The following IL1RAPL2 variants were observed in gnomAD, a reference collection of about 807,000 sequenced individuals.
IL1RAPL2 encodes the protein interleukin 1 receptor accessory protein like 2, also known as X-linked interleukin-1 receptor accessory protein-like 2.
In IL1RAPL2, 3 loss-of-function variants were observed where a neutral mutation model predicts 44.1. The ratio of observed to expected loss-of-function variants is 0.07; its 90% confidence interval spans 0.03 to 0.18. IL1RAPL2 has a LOEUF of 0.18. Among genes scored for constraint, IL1RAPL2 ranks in the 10% least tolerant of loss-of-function variants. The pLI, the probability that IL1RAPL2 is intolerant of heterozygous loss-of-function variation, is 1.00. For missense variants in IL1RAPL2, 391 were observed against 496.4 expected (o/e 0.79, Z 2.02); for synonymous variants, 181 against 178.8 (o/e 1.01, Z -0.10).
chrX:105,293,758 AAT>A (rs927029356), intron 5 of IL1RAPL2, among the ~76,000 whole-genome samples: 9 of 111,438 alleles, frequency 8.1e-5, no homozygotes, highest in African/African-American at 2.9e-4. Flanking sequence ...CTGAAAAAAA[AAT>A]AATGTGAACC....
chrX:105,560,803 C>T (rs1372642974), intron 6 of IL1RAPL2, among the ~76,000 whole-genome samples: 1 of 109,368 alleles, frequency 9.1e-6, no homozygotes, highest in Non-Finnish European at 1.9e-5. Flanking sequence ...TGTTTATCAA[C>T]AAATGAATGG....
At position 104,627,168 on chromosome X, in the gene IL1RAPL2, G is replaced by A. The variant is rs764012761; in HGVS notation, c.-19-31727G>A. ...ACTGATTTTAATTTTATTGAGGGAA[G>A]CATTGGCTTGAATTTGTCTCTTTAA... On this transcript the variant is annotated intron_variant, in intron 1 of 10. Transcript: ENST00000372582. 2.7e-5 allele frequency among the ~76,000 whole-genome samples: 3 copies of A among 109,279 alleles called. No individual in the cohort carries two copies. The East Asian group carries it at 8.8e-4, about 32-fold the overall frequency. 94.9% of individuals were successfully genotyped at this position (109,279 alleles called of 115,157 possible). A position where few individuals can be genotyped will look rare whatever the true frequency, so the allele number is the denominator to read the frequency against.
chrX:104,613,921 A>G (rs1321966349), intron 1 of IL1RAPL2, among the ~76,000 whole-genome samples: 1 of 103,317 alleles, frequency 9.7e-6, no homozygotes, highest in Non-Finnish European at 1.9e-5. Context: ...CAATCTTGGG[A>G]GAGTGTGTGT....
chrX:105,242,205 T>G, intron 4 of IL1RAPL2, among the ~76,000 whole-genome samples: 1 of 112,028 alleles, frequency 8.9e-6, no homozygotes, highest in African/African-American at 3.2e-5. Context: ...GTTTATGACA[T>G]CAAAGCATTT....
At chrX:105,423,118 A>G (rs1449333002) in intron 5 of IL1RAPL2, among the ~76,000 whole-genome samples, 1 of 111,481 alleles carries the variant, frequency 9.0e-6, no homozygotes, top group East Asian at 2.8e-4. Context: ...TTATTTTGGA[A>G]CACATAGCAA....
intron 5 of IL1RAPL2, among the ~76,000 whole-genome samples, chrX:105,451,777 T>C (rs1215574418): frequency 8.9e-6 from 1 of 112,036 alleles, no homozygotes; most frequent in African/African-American, 3.2e-5. Flanking sequence ...CAGGTATCCA[T>C]GTCATTAAGT....
At chrX:104,757,760 G>A (rs1932363974) in intron 2 of IL1RAPL2, among the ~76,000 whole-genome samples, 1 of 111,239 alleles carries the variant, frequency 9.0e-6, no homozygotes, top group Non-Finnish European at 1.9e-5. Context: ...AAAATGGATT[G>A]CCTTTATAAC....
intron 2 of IL1RAPL2, among the ~76,000 whole-genome samples, chrX:104,870,491 G>C (rs1002228915): frequency 8.9e-6 from 1 of 112,355 alleles, no homozygotes. Context: ...TATGGATGAG[G>C]CAACCAAGAA....
intron 2 of IL1RAPL2, among the ~76,000 whole-genome samples, chrX:104,674,295 G>A: frequency 9.0e-6 from 1 of 111,646 alleles, no homozygotes; most frequent in Non-Finnish European, 1.9e-5. Context: ...TTTCTTGAGA[G>A]TTTTTAGCAT....
chrX:105,114,139 G>T (rs774404155), intron 2 of IL1RAPL2, among the ~76,000 whole-genome samples: 2 of 111,615 alleles, frequency 1.8e-5, no homozygotes, highest in Non-Finnish European at 3.8e-5. Flanking sequence ...CATAAGGGCT[G>T]AGCCCTCATG....
chrX:105,711,683 A>C (rs1179651013), intron 6 of IL1RAPL2, among the ~76,000 whole-genome samples: 3 of 111,657 alleles, frequency 2.7e-5, no homozygotes, highest in African/African-American at 9.8e-5. Flanking sequence ...TATCTAAATC[A>C]GACATAGATG....
chrX:105,447,075 T>TTATATA (rs1205983853), intron 5 of IL1RAPL2, among the ~76,000 whole-genome samples: 5,561 of 16,817 alleles, frequency 0.33, 1,153 homozygotes, highest in East Asian at 0.45. Context: ...CTGGTTAAAA[T>TTATATA]TATATATATA....
chrX:105,293,646 A>G (rs1358747894), intron 5 of IL1RAPL2, among the ~76,000 whole-genome samples: 7 of 112,096 alleles, frequency 6.2e-5, no homozygotes, highest in Non-Finnish European at 7.5e-5. Context: ...ATATAATTCA[A>G]TATGGTTATG....
intron 2 of IL1RAPL2, among the ~76,000 whole-genome samples, chrX:105,037,411 A>G (rs2031648940): frequency 9.0e-6 from 1 of 111,351 alleles, no homozygotes; most frequent in African/African-American, 3.3e-5. Context: ...CAGGGGGACA[A>G]CAATGCCAGA....
chrX:104,954,390 G>A (rs1454685670), intron 2 of IL1RAPL2, among the ~76,000 whole-genome samples: 2 of 112,198 alleles, frequency 1.8e-5, no homozygotes, highest in Non-Finnish European at 3.8e-5. Flanking sequence ...GGTCTGTTGG[G>A]TGCTATGTGC....
At chrX:105,171,578 A>G (rs964027592) in intron 2 of IL1RAPL2, among the ~76,000 whole-genome samples, 15 of 110,644 alleles carry the variant, frequency 1.4e-4, no homozygotes, top group Non-Finnish European at 2.5e-4. Context: ...GAGGCAGTTG[A>G]TCTACCTTCC....
chrX:105,095,541 C>T (rs1452507732), intron 2 of IL1RAPL2, among the ~76,000 whole-genome samples: 1 of 111,703 alleles, frequency 9.0e-6, no homozygotes, highest in African/African-American at 3.3e-5. Flanking sequence ...CAGAAATAAA[C>T]TCATATATCT....
chrX:105,202,567 T>G (rs2147615684), intron 3 of IL1RAPL2, among the ~76,000 whole-genome samples: 1 of 112,098 alleles, frequency 8.9e-6, no homozygotes, highest in African/African-American at 3.2e-5. Context: ...ACCTCCTATT[T>G]TTCTAGCTCA....
intron 7 of IL1RAPL2, among the ~76,000 whole-genome samples, chrX:105,720,969 A>G (rs1454333852): frequency 9.1e-6 from 1 of 110,181 alleles, no homozygotes; most frequent in Non-Finnish European, 1.9e-5. Flanking sequence ...AGGCAAGAGA[A>G]AAGGAAATAT....
Sources: allele counts gnomAD v4.1 joint callset (sites outside exome capture counted in the v4.1 genomes callset), GRCh38; gene constraint gnomAD v4.1.1; transcripts MANE v1.5; gene names NCBI Gene and HGNC (gene_info 2026-07-23, HGNC 2026-07-21).